TG: variants seen among roughly 807,000 people sequenced by gnomAD.
TG encodes the protein thyroid hormones.
A neutral mutation model predicts 324.7 loss-of-function variants in TG; 270 were observed. That is an observed-to-expected ratio of 0.83 (90% confidence interval 0.75 to 0.92). The LOEUF is 0.92. TG is among the 40% of genes least tolerant of loss of function. The pLI, the probability that TG is intolerant of heterozygous loss-of-function variation, is 0.00. For missense variants in TG, 3,591 were observed against 3,456.4 expected (o/e 1.04, Z -0.98); for synonymous variants, 1,401 against 1,327.0 (o/e 1.06, Z -1.21).
chr8:132,872,282 T>A (rs943181570), intron 4 of TG, among the ~76,000 whole-genome samples: 4 of 151,352 alleles, frequency 2.6e-5, no homozygotes, highest in Admixed American at 1.3e-4. Flanking sequence ...ATCGAGACCA[T>A]CCCGGCTAAC....
At chr8:133,055,383 A>G (rs971662874) in intron 41 of TG, among the ~76,000 whole-genome samples, 1 of 149,652 alleles carries the variant, frequency 6.7e-6, no homozygotes, top group African/African-American at 2.5e-5. Context: ...ACACACACAC[A>G]CACACACACA....
intron 22 of TG, among the ~76,000 whole-genome samples, chr8:132,925,483 C>G (rs1264713227): frequency 6.6e-6 from 1 of 150,502 alleles, no homozygotes; most frequent in Non-Finnish European, 1.5e-5. Context: ...CATTTCCCTT[C>G]TCTAGTGAAG....
chr8:132,913,173 A>G lies in TG; in HGVS notation c.4286A>G (p.His1429Arg). 1 of 1,614,162 alleles carries G rather than the reference A, an allele frequency of 6.2e-7. No homozygotes were observed. The highest frequency in any genetic ancestry group is 1.1e-5 in the South Asian group (1 of 91,080). Residue 1429 changes from histidine (H) to arginine (R), a missense_variant, in exon 20 of 48, where the codon CAC (histidine) becomes CGC (arginine). By Grantham distance (29) the His-to-Arg change is conservative (BLOSUM62 0). Transcript: ENST00000220616. ...ACCATCCGCTTCCTCCAAGGGGACC[A>G]CTTTGGCACCTCTCCCAGGACATGG... is the stretch of plus-strand genomic sequence containing the variant. Reference protein sequence around the residue: ...AETIRFLQGDHFGTSPRTWFG... With the variant: ...AETIRFLQGDRFGTSPRTWFG...
Position 133,113,486 on chromosome 8 carries a change from C to G in TG, c.7637C>G (p.Ser2546Cys). Reference sequence around the variant, plus strand: ...GCCTTTTACCAGGCACTGCAGAATTCTCTGGGTGGCGAGGACTCAGATGCC... The same window carrying G: ...GCCTTTTACCAGGCACTGCAGAATTGTCTGGGTGGCGAGGACTCAGATGCC... The part of the protein sequence containing the change: ...KTAFYQALQN[S>C]LGGEDSDARV... Residue 2546 changes from serine to cysteine, a missense_variant, in exon 44 of 48, where the codon TCT becomes TGT. By Grantham distance (112) the Ser-to-Cys change is moderately radical (BLOSUM62 -1). Coordinates refer to ENST00000220616, the MANE Select transcript of TG (RefSeq NM_003235.5). The G allele has an allele frequency of 6.2e-7, 1 of 1,614,016 alleles. No individual in the cohort carries two copies. The highest frequency in any genetic ancestry group is 1.3e-5 in the African/African-American group (1 of 74,976).
intron 26 of TG, among the ~76,000 whole-genome samples, 174 bp downstream of exon 26, chr8:132,941,716 A>G (rs1824472721): frequency 1.3e-5 from 2 of 152,332 alleles, no homozygotes; most frequent in South Asian, 4.1e-4. Flanking sequence ...TTCACATTCC[A>G]CATGTTGCAC....
intron 24 of TG, among the ~76,000 whole-genome samples, chr8:132,934,484 GTCC>G (rs1554672999): frequency 6.6e-6 from 1 of 152,206 alleles, no homozygotes; most frequent in Non-Finnish European, 1.5e-5. Flanking sequence ...ATTAGACCCT[GTCC>G]TCCTCCAGTG....
chr8:132,974,364 C>T (rs6982788), intron 34 of TG, among the ~76,000 whole-genome samples: 24,836 of 152,212 alleles, frequency 0.16, 2,559 homozygotes, highest in Middle Eastern at 0.31. Flanking sequence ...ACATTCTTCA[C>T]GTCCCTGCCG....
intron 12 of TG, among the ~76,000 whole-genome samples, 174 bp from the exon 13 acceptor site, chr8:132,897,995 G>A (rs1184125111): frequency 6.6e-6 from 1 of 152,192 alleles, no homozygotes; most frequent in African/African-American, 2.4e-5. Flanking sequence ...CAAGTGGGTG[G>A]TTGCTGGGGG....
chr8:132,900,293 T>C lies in TG; in HGVS notation c.3387T>C (p.Pro1129=), dbSNP rs538234311. The part of the protein sequence containing the change: ...ASGAGTWCVD[P]ASGEELRPGS... ...GGGCTGGCACCTGGTGTGTGGACCC[T>C]GCATCAGGAGAAGAGTTGCGGCCTG... Residue 1129 remains proline, a synonymous_variant, in exon 15 of 48, where the codon CCT becomes CCC. Coordinates refer to ENST00000220616, the MANE Select transcript of TG (RefSeq NM_003235.5). 3.0e-5 allele frequency: 49 copies of C among 1,614,010 alleles called. No homozygotes were observed. The South Asian group carries it at 5.2e-4, about 17-fold the overall frequency.
rs1458500115 is a variant in TG at position 133,019,807 on chromosome 8, G to A, written c.6876+112G>A. The A allele has an allele frequency of 5.7e-6, 5 of 882,652 alleles. No individual in the cohort carries two copies. The East Asian group carries it at 1.2e-4, about 21-fold the overall frequency. 54.7% of individuals were successfully genotyped at this position (882,652 alleles called of 1,614,324 possible). A position where few individuals can be genotyped will look rare whatever the true frequency, so the allele number is the denominator to read the frequency against. On this transcript the variant is annotated intron_variant, in intron 39 of 47. Coordinates refer to ENST00000220616, the MANE Select transcript of TG (RefSeq NM_003235.5). ...CTCCTCCTCTGTGGCCTGCTGAGCT[G>A]AGGTTAGGTGATTTGCCTAAGGACA...
At chr8:132,938,819 G>A (rs1391363391) in intron 25 of TG, among the ~76,000 whole-genome samples, 2 of 152,120 alleles carry the variant, frequency 1.3e-5, no homozygotes, top group African/African-American at 2.4e-5. Context: ...TTGGGAGGCC[G>A]AGGCAGGCAG....
intron 27 of TG, among the ~76,000 whole-genome samples, chr8:132,960,580 A>G (rs898524384): frequency 1.3e-5 from 2 of 152,220 alleles, no homozygotes; most frequent in Non-Finnish European, 2.9e-5. Flanking sequence ...TGAAGACTGC[A>G]GAGGATAGTT....
chr8:132,951,470 T>C (rs183550472), intron 27 of TG, among the ~76,000 whole-genome samples: 191 of 152,328 alleles, frequency 1.3e-3, no homozygotes, highest in African/African-American at 4.3e-3. Context: ...ATATGATATA[T>C]TCATGGCAGT....
chr8:132,875,238 C>G (rs1341914792), intron 5 of TG, among the ~76,000 whole-genome samples: 1 of 152,160 alleles, frequency 6.6e-6, no homozygotes, highest in Non-Finnish European at 1.5e-5. Flanking sequence ...CCCCTCCAGG[C>G]CTGGCCTGCC....
chr8:132,949,542 T>C (rs1335435997), intron 27 of TG, among the ~76,000 whole-genome samples: 1 of 152,152 alleles, frequency 6.6e-6, no homozygotes, highest in Non-Finnish European at 1.5e-5. Flanking sequence ...TGAAATGCAA[T>C]CTGTCCCCCA....
At chr8:132,919,624 A>G in intron 21 of TG, 99 bp downstream of exon 21, 1 of 1,544,754 alleles carries the variant, frequency 6.5e-7, no homozygotes, top group Non-Finnish European at 8.8e-7. Flanking sequence ...TTTGGGACAG[A>G]TAATTCTTTG....
intron 41 of TG, among the ~76,000 whole-genome samples, chr8:133,088,443 C>T (rs1371311090): frequency 1.3e-5 from 2 of 152,190 alleles, no homozygotes; most frequent in Admixed American, 1.3e-4. Flanking sequence ...TCTAGCCCTG[C>T]TACTGATCAG....
chr8:132,945,742 G>T (rs571493166), intron 26 of TG, among the ~76,000 whole-genome samples: 2 of 152,116 alleles, frequency 1.3e-5, no homozygotes, highest in Non-Finnish European at 2.9e-5. Flanking sequence ...GCAGCCAGAG[G>T]GGGAGAAGGA....
chr8:132,917,174 CA>C (rs1820458203), intron 20 of TG, among the ~76,000 whole-genome samples: 1 of 151,790 alleles, frequency 6.6e-6, no homozygotes, highest in Non-Finnish European at 1.5e-5. Flanking sequence ...AGGCAAAAAA[CA>C]AAGCTCCAAT....
Sources: gnomAD v4.1 joint callset for allele counts (sites outside exome capture counted in the v4.1 genomes callset) on GRCh38, gnomAD v4.1.1 for gene constraint, MANE v1.5 for transcripts, NCBI Gene and HGNC (gene_info 2026-07-23, HGNC 2026-07-21) for gene names.